MCM10: variants seen among roughly 807,000 people sequenced by gnomAD.
MCM10 encodes minichromosome maintenance 10 replication initiation factor.
MCM10 carries 91 observed loss-of-function variants against 109.9 expected under a neutral mutation model. That is an observed-to-expected ratio of 0.83 (90% confidence interval 0.70 to 0.99). MCM10 has a LOEUF of 0.99. Ranked by LOEUF, MCM10 falls within the 50% of genes least tolerant of loss-of-function variation. The probability of loss-of-function intolerance (pLI) is 0.00; values close to 1 mark genes in which losing one functional copy is unlikely to be tolerated. For synonymous variants in MCM10, 380 were observed against 387.2 expected, an observed-to-expected ratio of 0.98 and a Z score of 0.22; for missense variants, 1,077 against 1,061.2, an observed-to-expected ratio of 1.01 and a Z score of -0.21.
intron 14 of MCM10, among the ~76,000 whole-genome samples, chr10:13,196,940 T>C (rs1193333286): frequency 6.6e-6 from 1 of 152,196 alleles, no homozygotes; most frequent in Non-Finnish European, 1.5e-5. Flanking sequence ...GTGTGTTTGT[T>C]TTGAGACAGG....
At chr10:13,169,303 G>C (rs1162213190) in intron 2 of MCM10, among the ~76,000 whole-genome samples, 1 of 152,162 alleles carries the variant, frequency 6.6e-6, no homozygotes, top group African/African-American at 2.4e-5. Flanking sequence ...CTCTGCTGCC[G>C]AGAGCTCTTC....
Position 13,209,268 on chromosome 10 carries a change from A to G in MCM10, c.2583A>G (p.Pro861=). Residue 861 remains proline (P), a synonymous_variant, in exon 20 of 20, where the codon CCA becomes CCG. Transcript: ENST00000378714. Reference sequence around the variant, plus strand: ...AGATAGGAGGAGAAACTCTGTTACCAAGAGGAGAAGAACATGCTAAATTTC... The same window carrying G: ...AGATAGGAGGAGAAACTCTGTTACCGAGAGGAGAAGAACATGCTAAATTTC... ...GPKIGGETLL[P]RGEEHAKFLN... 1 of 1,614,108 alleles carries G rather than the reference A, an allele frequency of 6.2e-7. No homozygotes were observed. The highest frequency in any genetic ancestry group is 8.5e-7 in the Non-Finnish European group (1 of 1,179,976).
chr10:13,188,004 G>A (rs1399329632), intron 9 of MCM10, among the ~76,000 whole-genome samples: 1 of 152,078 alleles, frequency 6.6e-6, no homozygotes, highest in Non-Finnish European at 1.5e-5. Context: ...AATTAGCTGG[G>A]CGTGGTTGTG....
Position 13,175,494 on chromosome 10 carries a change from T to A in MCM10, c.593-16T>A, listed in dbSNP as rs1834129186. On this transcript the variant is annotated splice_polypyrimidine_tract_variant and intron_variant, in intron 5 of 19. Transcript: ENST00000378714. The stretch of plus-strand genomic sequence containing the variant: ...TCAGTGTGGTTGCCTTTTCATTAAT[T>A]GTGTTAATTTTCTAGATCCCAAAAG... The A allele has an allele frequency of 6.2e-7, 1 of 1,611,502 alleles. No individual in the cohort carries two copies. Among genetic ancestry groups the A allele is most frequent in the Admixed American group, 1.7e-5 (1 of 59,982 alleles).
At chr10:13,192,670 G>C in intron 13 of MCM10, 102 bp downstream of exon 13, 1 of 1,065,200 alleles carries the variant, frequency 9.4e-7, no homozygotes, top group African/African-American at 1.6e-5. Context: ...GTTTCGGTTG[G>C]CTGCGTTTTA....
Position 13,172,804 on chromosome 10 carries a change from A to G in MCM10, c.592+39A>G, listed in dbSNP as rs1158487815. ...GGTCTCAGTATCTTGGCACTATTGT[A>G]TGTGTTTATGTGTGTGGGGGTGTTC... On this transcript the variant is annotated intron_variant, in intron 5 of 19. Transcript: ENST00000378714. This position sits in a 1 kb window ranked among gnomAD's most constrained non-coding sequence, Gnocchi z 5.2. 3 of 1,603,512 alleles carry G rather than the reference A, an allele frequency of 1.9e-6. No individual in the cohort carries two copies. The highest frequency in any genetic ancestry group is 1.3e-5 in the African/African-American group (1 of 74,758).
chr10:13,177,300 A>G (rs1052399409), intron 6 of MCM10, among the ~76,000 whole-genome samples: 1 of 152,224 alleles, frequency 6.6e-6, no homozygotes, highest in South Asian at 2.1e-4. Flanking sequence ...ACTCTAAAGG[A>G]CATATTAATA....
At chr10:13,174,794 T>C (rs980231810) in intron 5 of MCM10, among the ~76,000 whole-genome samples, 5 of 152,160 alleles carry the variant, frequency 3.3e-5, no homozygotes, top group Admixed American at 1.3e-4. Context: ...GGGGCATGCT[T>C]TGTTCCCAAG....
intron 16 of MCM10, among the ~76,000 whole-genome samples, chr10:13,199,616 GA>G (rs1464494802): frequency 6.6e-6 from 1 of 151,724 alleles, no homozygotes. Flanking sequence ...TAGTCATTTC[GA>G]AAAAAATCAA....
chr10:13,175,053 T>TTG (rs1834122599), intron 5 of MCM10, among the ~76,000 whole-genome samples: 2 of 151,828 alleles, frequency 1.3e-5, no homozygotes, highest in Non-Finnish European at 2.9e-5. Flanking sequence ...GCTTGAACCC[T>TTG]GGAGGCGGAG....
rs375463667 is a variant in MCM10 at position 13,192,300 on chromosome 10, T to C, written c.1562T>C (p.Leu521Pro). The C allele has an allele frequency of 6.2e-7, 1 of 1,614,222 alleles. No individual in the cohort carries two copies. Among genetic ancestry groups the C allele is most frequent in the East Asian group, 2.2e-5 (1 of 44,884 alleles). The change falls in exon 12 of 20, where the codon CTG (leucine) becomes CCG (proline). Residue 521 changes from leucine (L) to proline (P), a missense_variant. By Grantham distance (98) the Leu-to-Pro change is moderately conservative. Coordinates refer to ENST00000378714, the MANE Select transcript of MCM10 (RefSeq NM_018518.5). ...SLSCSEEFKE[L>P]MDLPTCGARN... ...TCTTGCTCTGAGGAGTTCAAGGAAC[T>C]GATGGACCTGCCGACGTGTGGAGCC...
At chr10:13,205,630 T>G (rs1030751620) in intron 18 of MCM10, among the ~76,000 whole-genome samples, 1 of 152,246 alleles carries the variant, frequency 6.6e-6, no homozygotes, top group Non-Finnish European at 1.5e-5. Context: ...TGTGCTAATT[T>G]GCATTCCCAC....
chr10:13,167,854 CA>C (rs761849800), intron 2 of MCM10, among the ~76,000 whole-genome samples: 30 of 152,248 alleles, frequency 2.0e-4, no homozygotes, highest in Admixed American at 3.3e-4. Flanking sequence ...AAGAGGCTTC[CA>C]GGGGTAGCCA....
chr10:13,201,186 A>G (rs1431098787), intron 16 of MCM10, among the ~76,000 whole-genome samples: 1 of 152,124 alleles, frequency 6.6e-6, no homozygotes. Flanking sequence ...AAATGCTCTC[A>G]TGTCCCTTTG....
chr10:13,186,398 G>A, intron 9 of MCM10, 118 bp downstream of exon 9: 2 of 628,552 alleles, frequency 3.2e-6, no homozygotes, highest in Non-Finnish European at 5.5e-6. Flanking sequence ...TAAAGGAAGA[G>A]TCAAAATGAG....
chr10:13,188,776 T>G, intron 9 of MCM10, 105 bp from the exon 10 acceptor site: 1 of 976,842 alleles, frequency 1.0e-6, no homozygotes, highest in Non-Finnish European at 1.6e-6. Flanking sequence ...GGGAGGACTC[T>G]GCATGCGTCA....
chr10:13,169,736 C>G (rs1030526493), intron 2 of MCM10, among the ~76,000 whole-genome samples: 2 of 152,206 alleles, frequency 1.3e-5, no homozygotes, highest in African/African-American at 4.8e-5. Context: ...GATGGAGTCT[C>G]GCCCTGTCAC....
chr10:13,188,356 A>G (rs182446763), intron 9 of MCM10, among the ~76,000 whole-genome samples: 122 of 152,294 alleles, frequency 8.0e-4, no homozygotes, highest in African/African-American at 2.7e-3. Context: ...TTTAAAATAC[A>G]TATATAATTC....
chr10:13,178,883 C>T (rs1218295077), intron 6 of MCM10, among the ~76,000 whole-genome samples: 1 of 152,190 alleles, frequency 6.6e-6, no homozygotes, highest in Non-Finnish European at 1.5e-5. Context: ...TAATTTCTTG[C>T]ATCAATGTCT....
Sources: gnomAD v4.1 joint callset for allele counts (sites outside exome capture counted in the v4.1 genomes callset) on GRCh38, gnomAD v4.1.1 for gene constraint, Gnocchi (gnomAD v3.1) non-coding constraint, MANE v1.5 for transcripts, NCBI Gene and HGNC (gene_info 2026-07-23, HGNC 2026-07-21) for gene names.